The following KCNU1 variants were observed in gnomAD, a reference collection of about 807,000 sequenced individuals.
The protein encoded by KCNU1 is potassium calcium-activated channel subfamily U member 1, also known as potassium channel subfamily U member 1.
In KCNU1, 93 loss-of-function variants were observed where a neutral mutation model predicts 126.8. That is an observed-to-expected ratio of 0.73 (90% CI 0.62 to 0.87). The LOEUF is 0.87. KCNU1 is among the 40% of genes least tolerant of loss of function. The pLI is 0.00. For missense variants in KCNU1, 1,330 were observed against 1,367.1 expected (o/e 0.97, Z 0.43); for synonymous variants, 523 against 494.2 (o/e 1.06, Z -0.77).
chr8:36,883,965 G>A, intron 19 of KCNU1, among the ~76,000 whole-genome samples: 1 of 152,120 alleles, frequency 6.6e-6, no homozygotes, highest in East Asian at 1.9e-4. Context: ...TATCTGAAAG[G>A]TAGGGATGCT....
chr8:36,823,722 T>A (rs1804211308), intron 10 of KCNU1, among the ~76,000 whole-genome samples: 1 of 151,968 alleles, frequency 6.6e-6, no homozygotes, highest in South Asian at 2.1e-4. Flanking sequence ...GAACAAAAGT[T>A]GAGTGAGAAA....
At chr8:36,816,403 C>T (rs1324350955) in intron 9 of KCNU1, among the ~76,000 whole-genome samples, 1 of 151,936 alleles carries the variant, frequency 6.6e-6, no homozygotes, top group Non-Finnish European at 1.5e-5. Context: ...AAACTTAATC[C>T]CTGTCTGCTG....
At chr8:36,840,635 C>T in intron 15 of KCNU1, 60 bp downstream of exon 15, 1 of 956,930 alleles carries the variant, frequency 1.0e-6, no homozygotes, top group South Asian at 1.4e-5. Flanking sequence ...CAACAACGTT[C>T]ACTGAGGGCC....
chr8:36,901,652 C>T (rs1003394355), intron 19 of KCNU1, among the ~76,000 whole-genome samples: 1 of 152,178 alleles, frequency 6.6e-6, no homozygotes, highest in African/African-American at 2.4e-5. Flanking sequence ...AAGCTGAAAG[C>T]TGGAGATGGG....
chr8:36,902,381 A>T (rs958702598), intron 19 of KCNU1, among the ~76,000 whole-genome samples: 1 of 152,144 alleles, frequency 6.6e-6, no homozygotes, highest in African/African-American at 2.4e-5. Flanking sequence ...AGGGCATTTA[A>T]CTACCAGACC....
At chr8:36,887,187 T>C (rs562567130) in intron 19 of KCNU1, among the ~76,000 whole-genome samples, 1 of 152,300 alleles carries the variant, frequency 6.6e-6, no homozygotes, top group East Asian at 1.9e-4. Flanking sequence ...CTGAATTGAA[T>C]GGTAGATCTG....
At chr8:36,839,002 GC>G (rs1270671101) in intron 14 of KCNU1, among the ~76,000 whole-genome samples, 1 of 152,038 alleles carries the variant, frequency 6.6e-6, no homozygotes, top group Admixed American at 6.5e-5. Context: ...CTCAGAGTAG[GC>G]CCTTACTTTC....
chr8:36,855,452 T>C (rs1168763546), intron 18 of KCNU1, among the ~76,000 whole-genome samples: 2 of 152,162 alleles, frequency 1.3e-5, no homozygotes, highest in African/African-American at 4.8e-5. Flanking sequence ...ATAATGACTC[T>C]TCTTTGGAAA....
chr8:36,814,209 G>A lies in KCNU1; in HGVS notation c.735G>A (p.Val245=). ...CTGAGTCTTCTCTCTTTGGACAGGT[G>A]GAAAATTCTGGTGATCCCTGGCTCA... ...WFTAAGFIHL[V]ENSGDPWLKG... is the part of the protein sequence containing the mutation. Residue 245 remains valine (V), a splice_region_variant and synonymous_variant, in exon 8 of 27, where the codon GTG becomes GTA. Transcript: ENST00000399881. The A allele has an allele frequency of 1.2e-6, 2 of 1,612,588 alleles. No individual in the cohort carries two copies. Among genetic ancestry groups the A allele is most frequent in the Non-Finnish European group, 8.5e-7 (1 of 1,178,906 alleles).
intron 23 of KCNU1, among the ~76,000 whole-genome samples, chr8:36,919,823 A>T (rs1808274825): frequency 6.6e-6 from 1 of 152,236 alleles, no homozygotes; most frequent in Admixed American, 6.5e-5. Flanking sequence ...GATTTATCCC[A>T]AATTAGGTGA....
rs551379747 is a variant in KCNU1 at position 36,847,903 on chromosome 8, G to A, written c.1891+2004G>A. ...AATTCCCATACAGCTTTCCATAGCA[G>A]CTATACTAATTCATGTTTCTACCAA... On this transcript the variant is annotated intron_variant, in intron 18 of 26. Coordinates refer to ENST00000399881, the MANE Select transcript of KCNU1 (RefSeq NM_001031836.3). Among the ~76,000 whole-genome samples, 201 of 152,280 alleles carry A rather than the reference G, an allele frequency of 1.3e-3. 1 individual carries two copies. Among genetic ancestry groups the A allele is most frequent in the Middle Eastern group, 3.4e-3 (1 of 294 alleles).
At chr8:36,785,430 T>A (rs1802678826) in intron 1 of KCNU1, among the ~76,000 whole-genome samples, 2 of 152,210 alleles carry the variant, frequency 1.3e-5, no homozygotes, top group Non-Finnish European at 2.9e-5. Flanking sequence ...TGCATCATAA[T>A]ATTGAAAATT....
At chr8:36,905,943 C>G (rs1341706543) in intron 20 of KCNU1, 139 bp downstream of exon 20, 1 of 545,608 alleles carries the variant, frequency 1.8e-6, no homozygotes, top group Non-Finnish European at 3.2e-6. Flanking sequence ...ACCCACATCC[C>G]TCACCAGCCA....
chr8:36,807,526 C>A (rs1225146425), intron 6 of KCNU1, 76 bp downstream of exon 6: 2 of 1,021,168 alleles, frequency 2.0e-6, no homozygotes, highest in East Asian at 4.8e-5. Flanking sequence ...GGACCCTAAA[C>A]TCAATGCATT....
At position 36,823,506 on chromosome 8, in the gene KCNU1, C is replaced by T. The variant is rs186802292; in HGVS notation, c.1106+5746C>T. On this transcript the variant is annotated intron_variant, in intron 10 of 26. Coordinates refer to ENST00000399881, the MANE Select transcript of KCNU1 (RefSeq NM_001031836.3). Reference sequence around the variant, plus strand: ...TACACAATTAGTGTTTATATCATTGCGGCAAATAAATATTGTTCATTGTAG... The same window carrying T: ...TACACAATTAGTGTTTATATCATTGTGGCAAATAAATATTGTTCATTGTAG... Among the ~76,000 whole-genome samples the T allele has an allele frequency of 2.9e-3, 441 of 151,940 alleles. 3 individuals are homozygous for T. The highest frequency in any genetic ancestry group is 9.8e-3 in the African/African-American group (405 of 41,454).
At chr8:36,832,020 C>A (rs1257698633) in intron 10 of KCNU1, among the ~76,000 whole-genome samples, 2 of 152,166 alleles carry the variant, frequency 1.3e-5, no homozygotes. Flanking sequence ...AATAGGGAAT[C>A]CTTTTTCCAT....
At chr8:36,905,373 CATG>C (rs2117506793) in intron 19 of KCNU1, among the ~76,000 whole-genome samples, 1 of 151,212 alleles carries the variant, frequency 6.6e-6, no homozygotes, top group South Asian at 2.1e-4. Flanking sequence ...AAACACTGCT[CATG>C]ATATCTGCCA....
chr8:36,836,381 A>G lies in KCNU1; in HGVS notation c.1365+16A>G, dbSNP rs1312785867. The G allele has an allele frequency of 6.7e-6, 10 of 1,492,468 alleles. No homozygotes were observed. Among genetic ancestry groups the G allele is most frequent in the Middle Eastern group, 1.7e-4 (1 of 5,770 alleles). The allele number at this position is 1,492,468 out of a possible 1,614,324, so 92.5% of individuals were successfully genotyped here. On this transcript the variant is annotated intron_variant, in intron 13 of 26. Coordinates refer to ENST00000399881, the MANE Select transcript of KCNU1 (RefSeq NM_001031836.3). The stretch of plus-strand genomic sequence containing the variant: ...CCATAACAAGGTATAGTAACATTCT[A>G]GCATATTCCATCTCCTCCTTTTATC...
chr8:36,832,022 T>C (rs1804569442), intron 10 of KCNU1, among the ~76,000 whole-genome samples: 1 of 152,252 alleles, frequency 6.6e-6, no homozygotes, highest in Non-Finnish European at 1.5e-5. Context: ...TAGGGAATCC[T>C]TTTTCCATTG....
Sources: gnomAD v4.1 joint callset for allele counts (sites outside exome capture counted in the v4.1 genomes callset) on GRCh38, gnomAD v4.1.1 for gene constraint, MANE v1.5 for transcripts, NCBI Gene and HGNC (gene_info 2026-07-23, HGNC 2026-07-21) for gene names.